The following TNRC6C variants were observed in gnomAD, a reference collection of about 807,000 sequenced individuals.
The protein encoded by TNRC6C is trinucleotide repeat containing adaptor 6C, also known as trinucleotide repeat-containing gene 6C protein.
Under a neutral mutation model 153.7 loss-of-function variants are expected in TNRC6C, and 20 were observed. The observed-to-expected ratio is 0.13, with a 90% confidence interval of 0.09 to 0.19. The LOEUF is 0.19. TNRC6C is among the 10% of genes least tolerant of loss of function. The probability of loss-of-function intolerance (pLI) is 1.00; values close to 1 mark genes in which losing one functional copy is unlikely to be tolerated. For synonymous variants in TNRC6C, 811 were observed against 841.4 expected, an observed-to-expected ratio of 0.96 and a Z score of 0.63; for missense variants, 1,987 against 2,172.0, an observed-to-expected ratio of 0.91 and a Z score of 1.69.
intron 1 of TNRC6C, among the ~76,000 whole-genome samples, chr17:77,992,182 G>T (rs1432809321): frequency 6.6e-6 from 1 of 152,162 alleles, no homozygotes; most frequent in Non-Finnish European, 1.5e-5. Context: ...AGGATTGTTT[G>T]ATTTTCTAAG....
intron 1 of TNRC6C, among the ~76,000 whole-genome samples, chr17:78,028,674 CA>C (rs755471269): frequency 6.6e-6 from 1 of 152,180 alleles, no homozygotes; most frequent in Non-Finnish European, 1.5e-5. Context: ...TAAAGGGAAA[CA>C]GTACCGTATC....
chr17:78,006,498 CTT>C (rs2071502599), intron 1 of TNRC6C, among the ~76,000 whole-genome samples: 1 of 12,438 alleles, frequency 8.0e-5, no homozygotes, highest in African/African-American at 3.4e-4. Flanking sequence ...CTTCTTTCTT[CTT>C]CTTCTTCTTC....
Position 78,091,423 on chromosome 17 carries a change from C to G in TNRC6C, c.3803-17C>G. On this transcript the variant is annotated splice_polypyrimidine_tract_variant and intron_variant, in intron 13 of 19. Coordinates refer to ENST00000301624, the Ensembl canonical transcript of TNRC6C. ...TTTAGAGGAGCAGGCGAATCCTAAC[C>G]GCATCTCTCTCTTTAGCTGGACTGA... 5 of 1,567,648 alleles carry G rather than the reference C, an allele frequency of 3.2e-6. No homozygotes were observed. Among genetic ancestry groups the G allele is most frequent in the Non-Finnish European group, 4.3e-6 (5 of 1,155,708 alleles).
chr17:77,966,737 C>T (rs762792995), intron 1 of TNRC6C, among the ~76,000 whole-genome samples: 2 of 152,162 alleles, frequency 1.3e-5, no homozygotes, highest in Non-Finnish European at 2.9e-5. Flanking sequence ...TAATAGACGT[C>T]TGCTGTTAAT....
intron 1 of TNRC6C, among the ~76,000 whole-genome samples, chr17:77,967,545 G>A (rs1056741549): frequency 6.6e-6 from 1 of 152,182 alleles, no homozygotes; most frequent in Non-Finnish European, 1.5e-5. Flanking sequence ...GCTGACAGGT[G>A]AGGAACAGTC....
chr17:77,960,078 C>T (rs2070849324), intron 1 of TNRC6C, among the ~76,000 whole-genome samples: 1 of 152,096 alleles, frequency 6.6e-6, no homozygotes, highest in Non-Finnish European at 1.5e-5. Flanking sequence ...GGAGGAGGAG[C>T]CGCTAGATCG....
intron 1 of TNRC6C, 95 bp downstream of exon 3, chr17:78,005,174 C>T (rs754339705): frequency 1.0e-4 from 81 of 798,430 alleles, no homozygotes; most frequent in African/African-American, 3.4e-4. Flanking sequence ...GGTTAAAAAA[C>T]GAGAATCTAA....
At chr17:78,097,944 T>C in intron 16 of TNRC6C, 83 bp downstream of exon 19, 2 of 1,155,166 alleles carry the variant, frequency 1.7e-6, no homozygotes, top group Admixed American at 2.5e-5. Context: ...GCTTTTCCTA[T>C]TGGCTCTTTA....
chr17:78,003,310 C>T (rs2071441517), upstream of TNRC6C, among the ~76,000 whole-genome samples: 1 of 152,006 alleles, frequency 6.6e-6, no homozygotes, highest in East Asian at 1.9e-4. Context: ...GAAAGGCTTT[C>T]AGATCAGAGA....
chr17:77,992,493 G>A (rs1463868030), intron 1 of TNRC6C, among the ~76,000 whole-genome samples: 4 of 132,678 alleles, frequency 3.0e-5, no homozygotes, highest in Non-Finnish European at 3.3e-5. Flanking sequence ...GCGAGACTCC[G>A]TCTCAAAAAA....
intron 11 of TNRC6C, among the ~76,000 whole-genome samples, chr17:78,083,849 T>A (rs1464969208): frequency 1.3e-5 from 2 of 152,256 alleles, no homozygotes; most frequent in African/African-American, 4.8e-5. Context: ...TTACTGATTT[T>A]ACTATAATTG....
At chr17:78,007,194 T>C (rs1220493424) in intron 1 of TNRC6C, among the ~76,000 whole-genome samples, 1 of 152,178 alleles carries the variant, frequency 6.6e-6, no homozygotes, top group Non-Finnish European at 1.5e-5. Context: ...GATTTTTCTC[T>C]TCTCCTTCTA....
chr17:77,990,750 GTT>G (rs1240016032), intron 1 of TNRC6C, among the ~76,000 whole-genome samples: 1 of 152,136 alleles, frequency 6.6e-6, no homozygotes, highest in Non-Finnish European at 1.5e-5. Flanking sequence ...TCAGTATAAT[GTT>G]TATCTATATT....
Position 78,019,890 on chromosome 17 carries a change from T to C in TNRC6C, c.-545-11626T>C, listed in dbSNP as rs1458542960. ...TGTCAAGATTGCTTTGATGCCCTGG[T>C]TTTTTAGACAGTAATAGACCCATAA... On this transcript the variant is annotated intron_variant, in intron 1 of 19. Transcript: ENST00000301624. Among the ~76,000 whole-genome samples the C allele has an allele frequency of 5.3e-5, 8 of 152,124 alleles. No individual in the cohort carries two copies. In the East Asian group the frequency reaches 1.5e-3, roughly 29 times the overall value.
chr17:78,042,568 T>C (rs1327398432), intron 2 of TNRC6C, among the ~76,000 whole-genome samples: 1 of 137,918 alleles, frequency 7.3e-6, no homozygotes, highest in East Asian at 1.9e-4. Context: ...TTCACAGATT[T>C]TTTTTTTTTT....
At chr17:78,080,888 C>A (rs937229766) in intron 10 of TNRC6C, among the ~76,000 whole-genome samples, 1 of 152,098 alleles carries the variant, frequency 6.6e-6, no homozygotes, top group East Asian at 1.9e-4. Flanking sequence ...CAAAAGAGAA[C>A]GTGTTAATTC....
chr17:78,086,450 G>A (rs1213747227), intron 11 of TNRC6C, 53 bp from the exon 14 acceptor site: 5 of 1,502,146 alleles, frequency 3.3e-6, no homozygotes, highest in Middle Eastern at 1.7e-4. Context: ...TGAACCATTA[G>A]TTCAACTTAC....
intron 14 of TNRC6C, 29 bp from the exon 17 acceptor site, chr17:78,092,904 C>G (rs747770086): frequency 6.8e-6 from 11 of 1,606,036 alleles, no homozygotes; most frequent in African/African-American, 1.3e-5. Context: ...AGTATTCACT[C>G]GCTTCTTTGT....
chr17:78,038,767 T>C (rs749584474), intron 2 of TNRC6C, among the ~76,000 whole-genome samples: 7 of 152,110 alleles, frequency 4.6e-5, no homozygotes, highest in Middle Eastern at 3.4e-3. Context: ...ACTTACCAAA[T>C]TGTCAAAACT....
Sources: allele counts gnomAD v4.1 joint callset (sites outside exome capture counted in the v4.1 genomes callset), GRCh38; gene constraint gnomAD v4.1.1; transcripts MANE v1.5; gene names NCBI Gene and HGNC (gene_info 2026-07-23, HGNC 2026-07-21).